The following HECW2 variants were observed in gnomAD, a reference collection of about 807,000 sequenced individuals.
HECW2 encodes the protein HECT, C2 and WW domain containing E3 ubiquitin protein ligase 2.
Under a neutral mutation model 175.2 loss-of-function variants are expected in HECW2, and 61 were observed. That is an observed-to-expected ratio of 0.35 (90% CI 0.28 to 0.43). The LOEUF (loss-of-function observed/expected upper bound fraction) is 0.43. HECW2 is among the 20% of genes least tolerant of loss of function. The pLI is 1.00. For missense variants in HECW2, 1,524 were observed against 2,000.5 expected (o/e 0.76, Z 4.54); for synonymous variants, 671 against 731.0 (o/e 0.92, Z 1.32).
chr2:196,360,177 C>T (rs914484599), intron 2 of HECW2, among the ~76,000 whole-genome samples: 2 of 152,164 alleles, frequency 1.3e-5, no homozygotes, highest in Non-Finnish European at 2.9e-5. Flanking sequence ...CCATTCGACC[C>T]AGCAATCCCA....
Position 196,209,239 on chromosome 2 carries a change from T to C in HECW2, c.4607+6626A>G, listed in dbSNP as rs182837717. Among the ~76,000 whole-genome samples the C allele has an allele frequency of 4.5e-3, 680 of 152,332 alleles. 3 individuals carry two copies. The highest frequency in any genetic ancestry group is 0.016 in the African/African-American group (655 of 41,560). Reference sequence around the variant, plus strand: ...GTCAGCAGCAACAATGCTGATGGAATGCAAGTGGAATGATTATCTCATTCC... The same window carrying C: ...GTCAGCAGCAACAATGCTGATGGAACGCAAGTGGAATGATTATCTCATTCC... On this transcript the variant is annotated intron_variant, in intron 28 of 28. Coordinates refer to ENST00000644978, the MANE Select transcript of HECW2 (RefSeq NM_001348768.2).
intron 1 of HECW2, among the ~76,000 whole-genome samples, chr2:196,581,138 G>A (rs1350431729): frequency 2.6e-5 from 4 of 152,160 alleles, no homozygotes; most frequent in East Asian, 1.9e-4. Flanking sequence ...CAGGAAAAAC[G>A]GGAAATAACT....
chr2:196,462,796 A>G (rs1439598202), intron 1 of HECW2, among the ~76,000 whole-genome samples: 1 of 152,194 alleles, frequency 6.6e-6, no homozygotes, highest in African/African-American at 2.4e-5. Context: ...TTTCATCTCA[A>G]CAACAAAGAC....
At chr2:196,577,452 T>C (rs187417129) in intron 1 of HECW2, among the ~76,000 whole-genome samples, 172 of 152,250 alleles carry the variant, frequency 1.1e-3, no homozygotes, top group Non-Finnish European at 1.0e-3. Context: ...CTATTAGACC[T>C]GATGTTGGGG....
intron 1 of HECW2, chr2:196,592,421 C>G (rs902003339): frequency 1.3e-5 from 2 of 152,114 alleles, no homozygotes; most frequent in Admixed American, 1.3e-4. Context: ...GAAAAGCACC[C>G]GAGCGCTGCT....
intron 1 of HECW2, among the ~76,000 whole-genome samples, chr2:196,545,972 T>C (rs959840039): frequency 6.6e-6 from 1 of 152,318 alleles, no homozygotes; most frequent in South Asian, 2.1e-4. Flanking sequence ...CAAGTATATA[T>C]CTTTGACTAT....
chr2:196,356,522 T>C (rs1398141099), intron 2 of HECW2, among the ~76,000 whole-genome samples: 1 of 152,190 alleles, frequency 6.6e-6, no homozygotes, highest in Non-Finnish European at 1.5e-5. Context: ...GTCCAGCAGG[T>C]CCATACTGTA....
chr2:196,337,819 A>T (rs1485076498), intron 3 of HECW2, among the ~76,000 whole-genome samples: 1 of 152,116 alleles, frequency 6.6e-6, no homozygotes, highest in Non-Finnish European at 1.5e-5. Context: ...GTCTAGCCTC[A>T]GGAGGAAGAG....
intron 19 of HECW2, among the ~76,000 whole-genome samples, chr2:196,250,473 G>A (rs1278383115): frequency 1.3e-5 from 2 of 152,148 alleles, no homozygotes; most frequent in Non-Finnish European, 2.9e-5. Flanking sequence ...AATCGTGAGA[G>A]GTGAGGTAAT....
intron 21 of HECW2, among the ~76,000 whole-genome samples, chr2:196,235,638 A>G (rs1307495917): frequency 7.1e-6 from 1 of 140,630 alleles, no homozygotes. Flanking sequence ...GCACAGGTAG[A>G]TGCATTATTC....
intron 21 of HECW2, among the ~76,000 whole-genome samples, chr2:196,232,939 C>A (rs1575263591): frequency 6.6e-6 from 1 of 152,118 alleles, no homozygotes; most frequent in South Asian, 2.1e-4. Context: ...CCTCTAAAGC[C>A]AAAATAGTCT....
chr2:196,484,515 T>G (rs1202587206), intron 1 of HECW2, among the ~76,000 whole-genome samples: 1 of 152,124 alleles, frequency 6.6e-6, no homozygotes, highest in Non-Finnish European at 1.5e-5. Flanking sequence ...CACTCTGCGG[T>G]CCCTCCTCAC....
chr2:196,436,581 G>T (rs928803773), intron 1 of HECW2, among the ~76,000 whole-genome samples: 9 of 152,124 alleles, frequency 5.9e-5, no homozygotes. Context: ...GCAACTAAGG[G>T]CCAAAAACCA....
chr2:196,307,116 C>T lies in HECW2; in HGVS notation c.2689+14G>A, dbSNP rs761812103. The T allele has an allele frequency of 1.9e-6, 3 of 1,566,690 alleles. No homozygotes were observed. The highest frequency in any genetic ancestry group is 2.6e-6 in the Non-Finnish European group (3 of 1,137,542). ...CTTTTATGAAATTACAAAAACAAAG[C>T]CCAAAGCTCTTACCTGCACTGGCTT... On this transcript the variant is annotated intron_variant, in intron 12 of 28. Transcript: ENST00000644978.
chr2:196,450,686 A>G (rs6734858), intron 1 of HECW2, among the ~76,000 whole-genome samples: 20,150 of 151,874 alleles, frequency 0.13, 1,796 homozygotes, highest in African/African-American at 0.26. Flanking sequence ...TCACCATGTT[A>G]GTCAGGCTGG....
At chr2:196,204,545 T>C (rs1394284801) in intron 28 of HECW2, among the ~76,000 whole-genome samples, 1 of 152,336 alleles carries the variant, frequency 6.6e-6, no homozygotes, top group Admixed American at 6.5e-5. Flanking sequence ...TCTTCCCTAG[T>C]TGGTCCTCCA....
intron 1 of HECW2, among the ~76,000 whole-genome samples, chr2:196,498,980 C>T (rs1056511627): frequency 6.6e-6 from 1 of 152,112 alleles, no homozygotes; most frequent in African/African-American, 2.4e-5. Flanking sequence ...AGTTTCAACC[C>T]CCCTATAATT....
At chr2:196,470,913 GA>G (rs1331181361) in intron 1 of HECW2, among the ~76,000 whole-genome samples, 1 of 148,046 alleles carries the variant, frequency 6.8e-6, no homozygotes, top group Non-Finnish European at 1.5e-5. Context: ...CAAAATATAT[GA>G]ATAAGCAAGT....
intron 3 of HECW2, among the ~76,000 whole-genome samples, chr2:196,342,407 G>GAAAA (rs1166917244): frequency 1.0e-4 from 6 of 58,052 alleles, no homozygotes; most frequent in Admixed American, 3.6e-4. Context: ...TCCGTTTCAA[G>GAAAA]AAAAAAAAAA....
Sources: allele counts gnomAD v4.1 joint callset (sites outside exome capture counted in the v4.1 genomes callset), GRCh38; gene constraint gnomAD v4.1.1; transcripts MANE v1.5; gene names NCBI Gene and HGNC (gene_info 2026-07-23, HGNC 2026-07-21).